Variants in NRCAM observed in about 807,000 individuals in gnomAD.
The protein encoded by NRCAM is NgCAM-related cell adhesion molecule.
A neutral mutation model predicts 156.5 loss-of-function variants in NRCAM; 83 were observed. That is an observed-to-expected ratio of 0.53 (90% CI 0.44 to 0.64). NRCAM has a LOEUF of 0.64. Among genes scored for constraint, NRCAM ranks in the 30% least tolerant of loss-of-function variants. The pLI, the probability that NRCAM is intolerant of heterozygous loss-of-function variation, is 0.00. For synonymous variants in NRCAM, 538 were observed against 563.9 expected, an observed-to-expected ratio of 0.95 and a Z score of 0.65; for missense variants, 1,417 against 1,597.3, an observed-to-expected ratio of 0.89 and a Z score of 1.92.
intron 3 of NRCAM, among the ~76,000 whole-genome samples, chr7:108,279,983 C>A (rs916846574): frequency 2.0e-5 from 3 of 152,136 alleles, no homozygotes; most frequent in Non-Finnish European, 2.9e-5. Flanking sequence ...ACACTGGTGT[C>A]CCACATGTTC....
chr7:108,409,584 G>T (rs866192699), intron 1 of NRCAM, among the ~76,000 whole-genome samples: 2 of 152,206 alleles, frequency 1.3e-5, no homozygotes, highest in African/African-American at 4.8e-5. Flanking sequence ...AGGACAGGTC[G>T]CTCCTCCTTC....
intron 2 of NRCAM, among the ~76,000 whole-genome samples, chr7:108,319,258 C>T (rs2098971239): frequency 2.0e-5 from 3 of 152,152 alleles, no homozygotes; most frequent in Admixed American, 6.5e-5. Context: ...ACCCTAAATT[C>T]CTCCATTAAT....
chr7:108,185,085 C>A (rs1305658582), intron 20 of NRCAM, among the ~76,000 whole-genome samples: 1 of 151,902 alleles, frequency 6.6e-6, no homozygotes, highest in Non-Finnish European at 1.5e-5. Flanking sequence ...ATAGTGAGTG[C>A]CATTTTCCAC....
rs183277679 is a variant in NRCAM, at chr7:108,241,774, G to A, written c.-106-1604C>T. 2.1e-4 allele frequency among the ~76,000 whole-genome samples: 32 copies of A among 152,234 alleles called. No homozygotes were observed. In the East Asian group the frequency reaches 6.0e-3, roughly 28 times the overall value. ...ATAGTTTGACTATGATCTACCCAAGGCTGTATTTATATTTATACTGCTTGG... is the reference window on the plus strand; with the variant it reads ...ATAGTTTGACTATGATCTACCCAAGACTGTATTTATATTTATACTGCTTGG... On this transcript the variant is annotated intron_variant, in intron 3 of 32. Transcript: ENST00000379028.
intron 2 of NRCAM, among the ~76,000 whole-genome samples, chr7:108,388,348 A>C (rs1211889083): frequency 6.6e-6 from 1 of 152,132 alleles, no homozygotes; most frequent in Non-Finnish European, 1.5e-5. Flanking sequence ...TTGGCTGCAA[A>C]AATGTCTTCT....
At chr7:108,159,337 G>T in intron 32 of NRCAM, 126 bp downstream of exon 32, 2 of 814,526 alleles carry the variant, frequency 2.5e-6, no homozygotes, top group Non-Finnish European at 4.3e-6. Context: ...ATACATGGAA[G>T]TATCCCTAAA....
At chr7:108,209,845 A>G (rs2083115908) in intron 11 of NRCAM, among the ~76,000 whole-genome samples, 1 of 152,256 alleles carries the variant, frequency 6.6e-6, no homozygotes, top group East Asian at 1.9e-4. Context: ...TACAGTATGA[A>G]TGCCAGCATG....
At chr7:108,378,246 C>T (rs916814077) in intron 2 of NRCAM, among the ~76,000 whole-genome samples, 1 of 151,748 alleles carries the variant, frequency 6.6e-6, no homozygotes, top group African/African-American at 2.4e-5. Flanking sequence ...AAGCAAAGAG[C>T]ATGAAACTAT....
At chr7:108,429,867 G>A (rs1204249852) in intron 1 of NRCAM, among the ~76,000 whole-genome samples, 1 of 152,178 alleles carries the variant, frequency 6.6e-6, no homozygotes, top group Non-Finnish European at 1.5e-5. Flanking sequence ...AGCAAATCAG[G>A]AGTAAGTGGT....
intron 2 of NRCAM, among the ~76,000 whole-genome samples, chr7:108,329,094 C>T (rs2099100886): frequency 6.6e-6 from 1 of 152,106 alleles, no homozygotes. Context: ...ATTTTTCTTA[C>T]TTTCTTTCCC....
intron 1 of NRCAM, among the ~76,000 whole-genome samples, chr7:108,433,461 A>G (rs916185326): frequency 4.6e-5 from 7 of 152,222 alleles, no homozygotes; most frequent in African/African-American, 1.4e-4. Flanking sequence ...ATTATTAGAC[A>G]TGAACCTCAC....
intron 2 of NRCAM, among the ~76,000 whole-genome samples, chr7:108,357,677 C>T (rs2099515252): frequency 6.6e-6 from 1 of 152,100 alleles, no homozygotes; most frequent in Non-Finnish European, 1.5e-5. Context: ...TATCTTTTTG[C>T]TGGTCTTAGA....
intron 1 of NRCAM, among the ~76,000 whole-genome samples, chr7:108,400,754 T>C (rs2099790073): frequency 6.6e-6 from 1 of 152,082 alleles, no homozygotes; most frequent in Non-Finnish European, 1.5e-5. Context: ...TACAGTGACT[T>C]ACACAAGGTC....
intron 2 of NRCAM, among the ~76,000 whole-genome samples, chr7:108,324,421 G>A (rs190663708): frequency 1.1e-3 from 163 of 152,172 alleles, no homozygotes; most frequent in Non-Finnish European, 1.3e-3. Flanking sequence ...CAATAATAAT[G>A]CTTGTCTTCA....
At chr7:108,298,823 C>T (rs368841609) in intron 3 of NRCAM, among the ~76,000 whole-genome samples, 1 of 150,968 alleles carries the variant, frequency 6.6e-6, no homozygotes, top group East Asian at 2.0e-4. Flanking sequence ...AACACAAATA[C>T]GGGGCCAGGC....
At chr7:108,298,074 A>G (rs1192165581) in intron 3 of NRCAM, among the ~76,000 whole-genome samples, 1 of 152,214 alleles carries the variant, frequency 6.6e-6, no homozygotes, top group East Asian at 1.9e-4. Context: ...AGACAAAGAA[A>G]CAGTAAAACA....
chr7:108,441,501 T>C (rs754824573), intron 1 of NRCAM, among the ~76,000 whole-genome samples: 2 of 152,212 alleles, frequency 1.3e-5, no homozygotes, highest in African/African-American at 2.4e-5. Context: ...ACATTCCCCT[T>C]AGAAGTTTGG....
intron 19 of NRCAM, 45 bp downstream of exon 19, chr7:108,191,209 A>G (rs750683122): frequency 1.3e-6 from 2 of 1,521,728 alleles, no homozygotes; most frequent in African/African-American, 2.8e-5. Flanking sequence ...GCAAATGTGA[A>G]ATTGTTTGAC....
intron 3 of NRCAM, among the ~76,000 whole-genome samples, chr7:108,282,574 T>C (rs2097902389): frequency 6.6e-6 from 1 of 152,214 alleles, no homozygotes; most frequent in Non-Finnish European, 1.5e-5. Flanking sequence ...GCTAGACATT[T>C]TTATATATTC....
Sources: gnomAD v4.1 joint callset for allele counts (sites outside exome capture counted in the v4.1 genomes callset) on GRCh38, gnomAD v4.1.1 for gene constraint, MANE v1.5 for transcripts, NCBI Gene and HGNC (gene_info 2026-07-23, HGNC 2026-07-21) for gene names.